Variants in PEAK1 observed in about 807,000 individuals in gnomAD.
The protein encoded by PEAK1 is pseudopodium enriched atypical kinase 1, also known as inactive tyrosine-protein kinase PEAK1.
Under a neutral mutation model 124.7 loss-of-function variants are expected in PEAK1, and 54 were observed. The observed-to-expected ratio is 0.43, with a 90% CI of 0.35 to 0.54. The LOEUF is 0.54. PEAK1 is among the 20% of genes least tolerant of loss of function. PEAK1 has a pLI of 0.01. For synonymous variants in PEAK1, 719 were observed against 760.0 expected (o/e 0.95, Z 0.89); for missense variants, 2,046 against 2,134.5 (o/e 0.96, Z 0.82).
chr15:77,225,202 G>C (rs976196016), intron 6 of PEAK1, among the ~76,000 whole-genome samples: 1 of 151,952 alleles, frequency 6.6e-6, no homozygotes, highest in African/African-American at 2.4e-5. Flanking sequence ...TGAGATCTCA[G>C]CTCAGGCAAT....
rs1052600064 is a variant in PEAK1, at chr15:77,245,699, G to A, written c.-115+6668C>T. On this transcript the variant is annotated intron_variant, in intron 6 of 9. Coordinates refer to ENST00000682557, the MANE Select transcript of PEAK1 (RefSeq NM_001385026.1). The stretch of plus-strand genomic sequence containing the variant: ...GGCCTGGGAAACCGAGTGAGACTCC[G>A]TCTCAAAAAAAAAAGTAAAAAGAAA... Among the ~76,000 whole-genome samples, 7 of 151,378 alleles carry A rather than the reference G, an allele frequency of 4.6e-5. No homozygotes were observed. The East Asian group carries it at 5.8e-4, about 13-fold the overall frequency.
chr15:77,407,455 GGACAT>G (rs1222649311), intron 1 of PEAK1, among the ~76,000 whole-genome samples: 9 of 152,032 alleles, frequency 5.9e-5, no homozygotes, highest in Non-Finnish European at 1.2e-4. Context: ...AGTGGGCTAA[GGACAT>G]GAAAAGACAA....
intron 5 of PEAK1, among the ~76,000 whole-genome samples, chr15:77,260,505 T>A (rs951786363): frequency 1.2e-4 from 19 of 152,164 alleles, no homozygotes; most frequent in African/African-American, 4.6e-4. Flanking sequence ...ATAACTATGC[T>A]CTATATTCAA....
intron 2 of PEAK1, among the ~76,000 whole-genome samples, chr15:77,351,495 G>A (rs2067206848): frequency 6.6e-6 from 1 of 152,172 alleles, no homozygotes; most frequent in South Asian, 2.1e-4. Context: ...AAATGACTTT[G>A]TAACTTTACC....
intron 9 of PEAK1, among the ~76,000 whole-genome samples, chr15:77,127,969 C>G (rs188655210): frequency 1.3e-5 from 2 of 151,766 alleles, no homozygotes; most frequent in East Asian, 3.9e-4. Flanking sequence ...ATACCAGCTA[C>G]TTGGGGGGCT....
chr15:77,202,948 G>A (rs1414159033), intron 6 of PEAK1, among the ~76,000 whole-genome samples: 1 of 150,744 alleles, frequency 6.6e-6, no homozygotes, highest in African/African-American at 2.4e-5. Flanking sequence ...GAGGTGGGAG[G>A]ATGGCTTAAG....
At chr15:77,174,832 C>T (rs897188860) in intron 7 of PEAK1, among the ~76,000 whole-genome samples, 57 of 152,202 alleles carry the variant, frequency 3.7e-4, no homozygotes, top group Middle Eastern at 3.4e-3. Flanking sequence ...GGAGGCATCA[C>T]GCTACCTGAC....
intron 9 of PEAK1, among the ~76,000 whole-genome samples, chr15:77,132,287 G>A (rs571039202): frequency 6.7e-5 from 10 of 149,914 alleles, no homozygotes; most frequent in Non-Finnish European, 3.0e-5. Flanking sequence ...GTTTCACCAC[G>A]TTGCCTAGGC....
chr15:77,108,340 C>G lies in PEAK1; in HGVS notation c.*5816G>C, dbSNP rs915264939. 6.6e-6 allele frequency: 1 copy of G among 152,128 alleles called. No homozygotes were observed. Among genetic ancestry groups the G allele is most frequent in the African/African-American group, 2.4e-5 (1 of 41,430 alleles). The allele number at this position is 152,128 out of a possible 1,614,324, so 9.4% of individuals were successfully genotyped here. On this transcript the variant is annotated 3_prime_UTR_variant, in exon 10 of 10. Coordinates refer to ENST00000682557, the MANE Select transcript of PEAK1 (RefSeq NM_001385026.1). Reference sequence around the variant, plus strand: ...GGTGAAGCTCCGGAAAGAGCAAAAACAAGATTTTCAAATACAGAGTGTGGG... The same window carrying G: ...GGTGAAGCTCCGGAAAGAGCAAAAAGAAGATTTTCAAATACAGAGTGTGGG...
chr15:77,174,220 G>A (rs1567063362), intron 7 of PEAK1, among the ~76,000 whole-genome samples: 1 of 152,140 alleles, frequency 6.6e-6, no homozygotes, highest in Non-Finnish European at 1.5e-5. Context: ...CCATAATGAA[G>A]GGCTCTATAA....
chr15:77,218,117 T>G (rs1289522202), intron 6 of PEAK1, among the ~76,000 whole-genome samples: 1 of 152,198 alleles, frequency 6.6e-6, no homozygotes, highest in African/African-American at 2.4e-5. Flanking sequence ...CTTATTGCAC[T>G]GGATAAGTCT....
chr15:77,239,816 A>T (rs566772472), intron 6 of PEAK1: 1 of 983,258 alleles, frequency 1.0e-6, no homozygotes, highest in African/African-American at 1.7e-5. Context: ...CTTTCAATGC[A>T]TCTTTCAAAG....
intron 7 of PEAK1, among the ~76,000 whole-genome samples, chr15:77,160,601 G>A (rs2055549998): frequency 6.6e-6 from 1 of 152,034 alleles, no homozygotes; most frequent in Admixed American, 6.5e-5. Flanking sequence ...TCTTGAACCT[G>A]GGAGGTAGAG....
rs543245490 is a variant in PEAK1, at chr15:77,347,809, T to C, written c.-603+17354A>G. On this transcript the variant is annotated intron_variant, in intron 2 of 9. Transcript: ENST00000682557. ...GTATAGATCATCTGTTTTCCTTCTATAGCAAGCACAAAACAGTGTTTAAGT... is the reference window on the plus strand; with the variant it reads ...GTATAGATCATCTGTTTTCCTTCTACAGCAAGCACAAAACAGTGTTTAAGT... The C allele has an allele frequency of 1.0e-5, 10 of 985,156 alleles. No homozygotes were observed. The Admixed American group carries it at 3.1e-4, about 30-fold the overall frequency. The allele number at this position is 985,156 out of a possible 1,614,324, so 61.0% of individuals were successfully genotyped here. A position where few individuals can be genotyped will look rare whatever the true frequency, so the allele number is the denominator to read the frequency against.
intron 1 of PEAK1, among the ~76,000 whole-genome samples, chr15:77,408,154 TAC>T (rs55866391): frequency 0.29 from 41,925 of 144,170 alleles, 6,069 homozygotes; most frequent in Middle Eastern, 0.34. Context: ...CATATATACA[TAC>T]ACACACACAC....
chr15:77,207,083 T>A (rs1335998515), intron 6 of PEAK1, among the ~76,000 whole-genome samples: 1 of 152,094 alleles, frequency 6.6e-6, no homozygotes, highest in South Asian at 2.1e-4. Flanking sequence ...TGAAACTGGA[T>A]CCCTTCCTTA....
chr15:77,354,041 C>G (rs2067354446), intron 2 of PEAK1, among the ~76,000 whole-genome samples: 1 of 152,154 alleles, frequency 6.6e-6, no homozygotes, highest in Non-Finnish European at 1.5e-5. Flanking sequence ...CGGGCAATTC[C>G]TTCTTCAATC....
intron 1 of PEAK1, chr15:77,404,872 G>T: frequency 1.3e-6 from 1 of 745,476 alleles, no homozygotes; most frequent in Non-Finnish European, 1.6e-6. Flanking sequence ...AATTCCTGCA[G>T]TGAACATAAA....
At chr15:77,270,448 A>T (rs1401280516) in intron 5 of PEAK1, among the ~76,000 whole-genome samples, 1 of 152,228 alleles carries the variant, frequency 6.6e-6, no homozygotes, top group East Asian at 1.9e-4. Flanking sequence ...CACAAAATCA[A>T]TGTGCAAAAA....
Sources: allele counts gnomAD v4.1 joint callset (sites outside exome capture counted in the v4.1 genomes callset), GRCh38; gene constraint gnomAD v4.1.1; transcripts MANE v1.5; gene names NCBI Gene and HGNC (gene_info 2026-07-23, HGNC 2026-07-21).